The following AFM variants were observed in gnomAD, a reference collection of about 807,000 sequenced individuals.
AFM encodes the protein alpha-Alb.
AFM carries 82 observed loss-of-function variants against 68.7 expected under a neutral mutation model. The observed-to-expected ratio is 1.19, with a 90% CI of 1.00 to 1.43. The LOEUF (loss-of-function observed/expected upper bound fraction) is 1.43, where lower values mean the gene tolerates loss of function less well. AFM is among the 40% of genes most tolerant of loss of function. AFM has a pLI of 0.00. For synonymous variants in AFM, 250 were observed against 234.2 expected (o/e 1.07, Z -0.61); for missense variants, 772 against 701.8 (o/e 1.10, Z -1.13).
Position 73,487,107 on chromosome 4 carries a change from TA to T in AFM, c.615+9del. On this transcript the variant is annotated intron_variant, in intron 5 of 14. Transcript: ENST00000226355. ...AACTGCCTTCAAACAAGGGTGGGTA[TA>T]GCATTTGTTCCATGAAGAGGATAAG... The T allele has an allele frequency of 1.2e-6, 2 of 1,613,698 alleles. No individual in the cohort carries two copies. Among genetic ancestry groups the T allele is most frequent in the South Asian group, 2.2e-5 (2 of 91,042 alleles).
chr4:73,499,239 A>C lies in AFM; in HGVS notation c.1415A>C (p.Asp472Ala). Reference sequence around the variant, plus strand: ...CTAAGTGAAGAGTTTGCCTGTGTTGATAATTTGGTGAGCATGGCCTGTGTA... The same window carrying C: ...CTAAGTGAAGAGTTTGCCTGTGTTGCTAATTTGGTGAGCATGGCCTGTGTA... ...CTLSEEFACV[D>A]NLADLVFGEL... The change falls in exon 11 of 15, where the codon GAT becomes GCT. Residue 472 changes from aspartate (D) to alanine (A), a missense_variant. By Grantham distance (126) the Asp-to-Ala change is moderately radical (BLOSUM62 -2). Transcript: ENST00000226355. 3.1e-6 allele frequency: 5 copies of C among 1,606,760 alleles called. No individual in the cohort carries two copies. The highest frequency in any genetic ancestry group is 4.3e-6 in the Non-Finnish European group (5 of 1,175,892).
At position 73,488,686 on chromosome 4, in the gene AFM, C is replaced by T. The variant is rs1242878753; in HGVS notation, c.770C>T (p.Ser257Phe). Residue 257 changes from serine (S) to phenylalanine (F), a missense_variant, in exon 7 of 15, where the codon TCT (serine) becomes TTT (phenylalanine). Physicochemically the swap from Ser to Phe is radical, Grantham distance 155 (BLOSUM62 -2). Transcript: ENST00000226355. ...AAGATTGAATTTAAGGAGCTTATTT[C>T]TCTTGTAGAAGATGTTTCTTCCAAC... ...FPKIEFKELI[S>F]LVEDVSSNYD... The T allele has an allele frequency of 1.2e-6, 2 of 1,612,852 alleles. No individual in the cohort carries two copies. Among genetic ancestry groups the T allele is most frequent in the Non-Finnish European group, 8.5e-7 (1 of 1,179,238 alleles).
chr4:73,495,091 T>A (rs541708133), intron 8 of AFM: 1 of 360,750 alleles, frequency 2.8e-6, no homozygotes, highest in Middle Eastern at 7.2e-4. Flanking sequence ...TAAAAAATAT[T>A]GTTAATCTAA....
intron 7 of AFM, among the ~76,000 whole-genome samples, chr4:73,490,056 T>G (rs1351038206): frequency 6.6e-6 from 1 of 152,016 alleles, no homozygotes; most frequent in African/African-American, 2.4e-5. Context: ...TATGATAGGT[T>G]GCACCTGTAA....
In AFM at chr4:73,483,954, T is replaced by C. The variant is rs757636540; in HGVS notation, c.102T>C (p.Ser34=). Residue 34 remains serine, a synonymous_variant, in exon 2 of 15, where the codon AGT becomes AGC. Coordinates refer to ENST00000226355, the MANE Select transcript of AFM (RefSeq NM_001133.2). ...CTTGCTTTTCAGAGAACTTCAATAGTACTCAAAAATTTATAGAAGATAATA... is the reference window on the plus strand; with the variant it reads ...CTTGCTTTTCAGAGAACTTCAATAGCACTCAAAAATTTATAGAAGATAATA... ...TQPRDIENFN[S]TQKFIEDNIE... is the part of the protein sequence containing the mutation. 3 of 1,529,742 alleles carry C rather than the reference T, an allele frequency of 2.0e-6. No individual in the cohort carries two copies. Among genetic ancestry groups the C allele is most frequent in the East Asian group, 4.5e-5 (2 of 43,992 alleles). The allele number at this position is 1,529,742 out of a possible 1,614,324, so 94.8% of individuals were successfully genotyped here.
chr4:73,493,272 C>A (rs1721134229), intron 8 of AFM, among the ~76,000 whole-genome samples: 1 of 152,172 alleles, frequency 6.6e-6, no homozygotes, highest in Non-Finnish European at 1.5e-5. Flanking sequence ...TGAGGAAGGA[C>A]AAATTCACTT....
At chr4:73,484,458 CTTTCTTTCTT>C (rs1335085860) in intron 3 of AFM, 68 bp downstream of exon 3, 18 of 462,030 alleles carry the variant, frequency 3.9e-5, no homozygotes, top group African/African-American at 3.1e-4. Context: ...TTCTTTCTTT[CTTTCTTTCTT>C]TCTTTCTTTC....
intron 4 of AFM, among the ~76,000 whole-genome samples, chr4:73,486,275 C>T (rs1452292710): frequency 6.6e-6 from 1 of 152,142 alleles, no homozygotes; most frequent in African/African-American, 2.4e-5. Flanking sequence ...CTTACAAGAC[C>T]ATTATATTAA....
chr4:73,488,506 AAAC>A (rs1720974295), intron 6 of AFM, 121 bp from the exon 7 acceptor site: 17 of 807,110 alleles, frequency 2.1e-5, no homozygotes, highest in Non-Finnish European at 3.0e-5. Context: ...ACTTCTATAA[AAAC>A]AACAACAACA....
At chr4:73,489,448 G>A (rs1392357776) in intron 7 of AFM, among the ~76,000 whole-genome samples, 1 of 152,120 alleles carries the variant, frequency 6.6e-6, no homozygotes, top group Non-Finnish European at 1.5e-5. Context: ...ATTGTGGAAT[G>A]TCTAAATCAA....
chr4:73,496,411 CT>C (rs1721258141), intron 9 of AFM, among the ~76,000 whole-genome samples: 1 of 151,988 alleles, frequency 6.6e-6, no homozygotes, highest in African/African-American at 2.4e-5. Context: ...TTCCATTTAT[CT>C]TTATTAATAT....
intron 1 of AFM, 38 bp from the exon 2 acceptor site, chr4:73,483,903 C>G: frequency 6.8e-7 from 1 of 1,465,144 alleles, no homozygotes; most frequent in Non-Finnish European, 9.3e-7. Context: ...TGTTAGAAAA[C>G]CATGCTATGT....
intron 11 of AFM, among the ~76,000 whole-genome samples, chr4:73,499,787 G>T (rs1721375375): frequency 6.6e-6 from 1 of 151,978 alleles, no homozygotes; most frequent in Non-Finnish European, 1.5e-5. Context: ...TAATTTGTAG[G>T]CATCTAAATT....
intron 8 of AFM, among the ~76,000 whole-genome samples, chr4:73,494,884 C>T (rs537020734): frequency 9.9e-5 from 15 of 152,248 alleles, no homozygotes; most frequent in East Asian, 1.9e-4. Context: ...CTATCTCTCA[C>T]GAAGACCACA....
chr4:73,496,267 A>C (rs145680322), intron 9 of AFM, among the ~76,000 whole-genome samples: 1 of 152,110 alleles, frequency 6.6e-6, no homozygotes, highest in African/African-American at 2.4e-5. Flanking sequence ...TTGAAAATAA[A>C]CTTCTTTTTA....
chr4:73,493,518 T>A (rs1721159814), intron 8 of AFM, among the ~76,000 whole-genome samples: 1 of 152,180 alleles, frequency 6.6e-6, no homozygotes, highest in African/African-American at 2.4e-5. Flanking sequence ...ATCTAGGACA[T>A]AACAACAACT....
chr4:73,497,781 GC>G lies in AFM; in HGVS notation c.1289+34del, dbSNP rs1220221612. ...TGTTTGCACAAGTGGGCTAACACTT[GC>G]CACTAGAATTGAATACATAATCCCT... On this transcript the variant is annotated intron_variant, in intron 10 of 14. Coordinates refer to ENST00000226355, the MANE Select transcript of AFM (RefSeq NM_001133.2). 2.2e-6 allele frequency: 3 copies of G among 1,378,160 alleles called. No individual in the cohort carries two copies. The African/African-American group carries it at 4.4e-5, about 20-fold the overall frequency. 85.4% of individuals were successfully genotyped at this position (1,378,160 alleles called of 1,614,324 possible). A position where few individuals can be genotyped will look rare whatever the true frequency, so the allele number is the denominator to read the frequency against.
intron 11 of AFM, among the ~76,000 whole-genome samples, 198 bp downstream of exon 11, chr4:73,499,444 T>C (rs1721358091): frequency 1.3e-5 from 2 of 152,226 alleles, no homozygotes; most frequent in Non-Finnish European, 2.9e-5. Context: ...TCAATATTTT[T>C]GGAGAGTACT....
rs1434186392 is a variant in AFM, at chr4:73,487,648, A to G, written c.616-76A>G. On this transcript the variant is annotated intron_variant, in intron 5 of 14. Transcript: ENST00000226355. The stretch of plus-strand genomic sequence containing the variant: ...CTGAACAAATTTTGTAATAGTTTGA[A>G]TGAAATATGACTAAAAAATAAGAGA... The G allele has an allele frequency of 3.0e-6, 3 of 1,010,552 alleles. No homozygotes were observed. In the African/African-American group the frequency reaches 4.9e-5, roughly 16 times the overall value. 62.6% of individuals were successfully genotyped at this position (1,010,552 alleles called of 1,614,324 possible).
Sources: allele counts gnomAD v4.1 joint callset (sites outside exome capture counted in the v4.1 genomes callset), GRCh38; gene constraint gnomAD v4.1.1; transcripts MANE v1.5; gene names NCBI Gene and HGNC (gene_info 2026-07-23, HGNC 2026-07-21).